Variants in ZNF24 observed in about 807,000 individuals in gnomAD.
ZNF24 encodes retinoic acid suppression protein A.
In ZNF24, 11 loss-of-function variants were observed where a neutral mutation model predicts 40.9. The ratio of observed to expected loss-of-function variants is 0.27; its 90% confidence interval spans 0.17 to 0.45. The LOEUF (loss-of-function observed/expected upper bound fraction) is 0.45, where lower values mean the gene tolerates loss of function less well. Ranked by LOEUF, ZNF24 falls within the 20% of genes least tolerant of loss-of-function variation. ZNF24 has a pLI of 1.00. For missense variants in ZNF24, 293 were observed against 437.7 expected, an observed-to-expected ratio of 0.67 and a Z score of 2.95; for synonymous variants, 139 against 154.7, an observed-to-expected ratio of 0.90 and a Z score of 0.75.
rs2044871937 is a variant in ZNF24, at chr18:35,332,996, G to A, written c.*4236C>T. The A allele has an allele frequency of 6.6e-6, 1 of 152,016 alleles. No individual in the cohort carries two copies. The highest frequency in any genetic ancestry group is 1.5e-5 in the Non-Finnish European group (1 of 68,004). The allele number at this position is 152,016 out of a possible 1,614,324, so 9.4% of individuals were successfully genotyped here. On this transcript the variant is annotated 3_prime_UTR_variant, in exon 4 of 4. Coordinates refer to ENST00000261332, the MANE Select transcript of ZNF24 (RefSeq NM_006965.4). ...CTATCAAGTGTAGGTATGGTTATAT[G>A]GGGAAATGAACATTCTCCATACACT...
chr18:35,341,094 T>C (rs1199818402), intron 1 of ZNF24, among the ~76,000 whole-genome samples: 1 of 152,202 alleles, frequency 6.6e-6, no homozygotes, highest in East Asian at 1.9e-4. Context: ...AACATGACTG[T>C]GTCCATAAAT....
chr18:35,340,017 G>T lies in ZNF24; in HGVS notation c.421-41C>A. Reference sequence around the variant, plus strand: ...TTTGATTCAGAGAAGGAACTGTAATGAGAATCAGAACTAAAAACACGTAAG... The same window carrying T: ...TTTGATTCAGAGAAGGAACTGTAATTAGAATCAGAACTAAAAACACGTAAG... On this transcript the variant is annotated intron_variant, in intron 2 of 3. Coordinates refer to ENST00000261332, the MANE Select transcript of ZNF24 (RefSeq NM_006965.4). This position sits in a 1 kb window ranked among gnomAD's most constrained non-coding sequence, Gnocchi z 4.6. The T allele has an allele frequency of 6.3e-7, 1 of 1,585,908 alleles. No individual in the cohort carries two copies. Among genetic ancestry groups the T allele is most frequent in the South Asian group, 1.1e-5 (1 of 88,860 alleles).
rs941977121 is a variant in ZNF24, at chr18:35,333,264, C to A, written c.*3968G>T. On this transcript the variant is annotated 3_prime_UTR_variant, in exon 4 of 4. Transcript: ENST00000261332. The stretch of plus-strand genomic sequence containing the variant: ...TTCAACCATTAAAGAAATTTAAAGA[C>A]CTGTTATCTTTTTTTGAGACCAAAA... 6.6e-6 allele frequency: 1 copy of A among 152,062 alleles called. No individual in the cohort carries two copies. Among genetic ancestry groups the A allele is most frequent in the Non-Finnish European group, 1.5e-5 (1 of 68,012 alleles). 9.4% of individuals were successfully genotyped at this position (152,062 alleles called of 1,614,324 possible). A position where few individuals can be genotyped will look rare whatever the true frequency, so the allele number is the denominator to read the frequency against.
In ZNF24 at chr18:35,340,177, G is replaced by C. The variant is rs1178403888; in HGVS notation, c.420+54C>G. On this transcript the variant is annotated intron_variant, in intron 2 of 3. Coordinates refer to ENST00000261332, the MANE Select transcript of ZNF24 (RefSeq NM_006965.4). The surrounding 1 kb of genome is among the most constrained non-coding windows in gnomAD (Gnocchi z 4.6). ...TGAGTGGAATTAATTCAGCAGCTTTGCCTACTACCTATGCCAGTGCTTCTG... is the reference window on the plus strand; with the variant it reads ...TGAGTGGAATTAATTCAGCAGCTTTCCCTACTACCTATGCCAGTGCTTCTG... 6.3e-7 allele frequency: 1 copy of C among 1,575,408 alleles called. No individual in the cohort carries two copies. Among genetic ancestry groups the C allele is most frequent in the Non-Finnish European group, 8.7e-7 (1 of 1,155,340 alleles).
intron 3 of ZNF24, chr18:35,338,908 A>T (rs1275253504): frequency 7.0e-7 from 1 of 1,435,090 alleles, no homozygotes; most frequent in Non-Finnish European, 9.1e-7. Flanking sequence ...TTTATTGCAC[A>T]GAAGAATGTC....
intron 3 of ZNF24, among the ~76,000 whole-genome samples, chr18:35,339,238 G>A (rs751055813): frequency 1.2e-4 from 19 of 152,254 alleles, no homozygotes; most frequent in Middle Eastern, 6.8e-3. Context: ...ATACAACTTT[G>A]AGCTTTTAAA....
chr18:35,342,039 T>C (rs570896165), intron 1 of ZNF24, among the ~76,000 whole-genome samples: 72 of 152,068 alleles, frequency 4.7e-4, no homozygotes, highest in African/African-American at 1.7e-3. Context: ...CTACTAAAAA[T>C]ACAAAAATTA....
Position 35,335,241 on chromosome 18 carries a change from T to C in ZNF24, c.*1991A>G, listed in dbSNP as rs561010631. On this transcript the variant is annotated 3_prime_UTR_variant, in exon 4 of 4. Coordinates refer to ENST00000261332, the MANE Select transcript of ZNF24 (RefSeq NM_006965.4). The stretch of plus-strand genomic sequence containing the variant: ...TCATTTATCTTAGAGCAGAGGAGTT[T>C]ACAGCTTTATTGGACACTGACTTGT... The C allele has an allele frequency of 2.6e-5, 4 of 152,294 alleles. No individual in the cohort carries two copies. The East Asian group carries it at 7.7e-4, about 29-fold the overall frequency. 9.4% of individuals were successfully genotyped at this position (152,294 alleles called of 1,614,324 possible).
Position 35,337,705 on chromosome 18 carries a change from A to T in ZNF24, c.634T>A (p.Ser212Thr), listed in dbSNP as rs1683674886. The change falls in exon 4 of 4, where the codon TCC becomes ACC. Residue 212 changes from serine (S) to threonine (T), a missense_variant. By Grantham distance (58) the Ser-to-Thr change is moderately conservative. Coordinates refer to ENST00000261332, the MANE Select transcript of ZNF24 (RefSeq NM_006965.4). Reference sequence around the variant, plus strand: ...TTGAGAGTGCCAGGAACTTCATGGGATTCTAATGCTGAAGGAAGCTCCTGC... The same window carrying T: ...TTGAGAGTGCCAGGAACTTCATGGGTTTCTAATGCTGAAGGAAGCTCCTGC... ...PKQELPSALE[S>T]HEVPGTLNMG... 1 of 1,611,792 alleles carries T rather than the reference A, an allele frequency of 6.2e-7. No individual in the cohort carries two copies. The highest frequency in any genetic ancestry group is 8.5e-7 in the Non-Finnish European group (1 of 1,179,554).
chr18:35,332,564 T>C lies in ZNF24; in HGVS notation c.*4668A>G, dbSNP rs964400444. On this transcript the variant is annotated 3_prime_UTR_variant, in exon 4 of 4. Coordinates refer to ENST00000261332, the MANE Select transcript of ZNF24 (RefSeq NM_006965.4). Reference sequence around the variant, plus strand: ...AATTCAGGCTTACATGGTCCTTGGTTCCTGGGATCTCCATAAAGCCTTCTT... The same window carrying C: ...AATTCAGGCTTACATGGTCCTTGGTCCCTGGGATCTCCATAAAGCCTTCTT... The C allele has an allele frequency of 6.6e-6, 1 of 152,642 alleles. No individual in the cohort carries two copies. The highest frequency in any genetic ancestry group is 2.4e-5 in the African/African-American group (1 of 41,434). The allele number at this position is 152,642 out of a possible 1,614,324, so 9.5% of individuals were successfully genotyped here. A position where few individuals can be genotyped will look rare whatever the true frequency, so the allele number is the denominator to read the frequency against.
At chr18:35,337,849 G>C (rs2044927034) in intron 3 of ZNF24, 79 bp from the exon 4 acceptor site, 1 of 1,253,294 alleles carries the variant, frequency 8.0e-7, no homozygotes, top group Non-Finnish European at 1.1e-6. Context: ...TTTTTTTAAT[G>C]AACTAAAATA....
intron 3 of ZNF24, chr18:35,338,550 T>G (rs1250411594): frequency 2.0e-6 from 2 of 986,322 alleles, no homozygotes; most frequent in South Asian, 9.4e-5. Context: ...TTAAGACTTT[T>G]CTAAAACTTC....
intron 3 of ZNF24, 83 bp downstream of exon 3, chr18:35,339,746 C>G: frequency 7.9e-7 from 1 of 1,269,998 alleles, no homozygotes; most frequent in Non-Finnish European, 1.1e-6. Context: ...ATGATCCCCC[C>G]ACCAGTGAGA....
chr18:35,341,673 A>G (rs2143856988), intron 1 of ZNF24, among the ~76,000 whole-genome samples: 1 of 152,318 alleles, frequency 6.6e-6, no homozygotes, highest in South Asian at 2.1e-4. Context: ...GACCCTGTGT[A>G]AGCCTAAGCT....
chr18:35,338,094 G>T (rs2044929407), intron 3 of ZNF24: 2 of 847,604 alleles, frequency 2.4e-6, no homozygotes, highest in African/African-American at 1.8e-5. Flanking sequence ...ATGAAACTTT[G>T]TAAGAATAAA....
chr18:35,339,022 C>T, intron 3 of ZNF24: 1 of 1,535,990 alleles, frequency 6.5e-7, no homozygotes, highest in Non-Finnish European at 8.7e-7. Flanking sequence ...CCTGCTCAGA[C>T]CTCATTCAGT....
In ZNF24 at chr18:35,333,515, A is replaced by T. The variant is rs2044876828; in HGVS notation, c.*3717T>A. ...TAATTAAAAAAAGGAAAATGGGCAA[A>T]AGCAATTCATAATAGGAAATGCAAA... On this transcript the variant is annotated 3_prime_UTR_variant, in exon 4 of 4. Coordinates refer to ENST00000261332, the MANE Select transcript of ZNF24 (RefSeq NM_006965.4). 6.6e-6 allele frequency: 1 copy of T among 152,168 alleles called. No homozygotes were observed. The highest frequency in any genetic ancestry group is 2.4e-5 in the African/African-American group (1 of 41,430). 9.4% of individuals were successfully genotyped at this position (152,168 alleles called of 1,614,324 possible). A position where few individuals can be genotyped will look rare whatever the true frequency, so the allele number is the denominator to read the frequency against.
rs2044889427 is a variant in ZNF24, at chr18:35,334,749, TA to T, written c.*2482del. On this transcript the variant is annotated 3_prime_UTR_variant, in exon 4 of 4. Coordinates refer to ENST00000261332, the MANE Select transcript of ZNF24 (RefSeq NM_006965.4). ...GGGTAATGAATGTGTGGATGGAATT[TA>T]AAAATCACTACATAGTATTTAAAAT... The T allele has an allele frequency of 6.6e-6, 1 of 152,246 alleles. No homozygotes were observed. The highest frequency in any genetic ancestry group is 1.5e-5 in the Non-Finnish European group (1 of 68,046). 9.4% of individuals were successfully genotyped at this position (152,246 alleles called of 1,614,324 possible). A position where few individuals can be genotyped will look rare whatever the true frequency, so the allele number is the denominator to read the frequency against.
Position 35,335,099 on chromosome 18 carries a change from G to T in ZNF24, c.*2133C>A, listed in dbSNP as rs2044893374. 1.3e-5 allele frequency: 2 copies of T among 152,164 alleles called. No individual in the cohort carries two copies. The highest frequency in any genetic ancestry group is 2.9e-5 in the Non-Finnish European group (2 of 68,024). 9.4% of individuals were successfully genotyped at this position (152,164 alleles called of 1,614,324 possible). A position where few individuals can be genotyped will look rare whatever the true frequency, so the allele number is the denominator to read the frequency against. On this transcript the variant is annotated 3_prime_UTR_variant, in exon 4 of 4. Transcript: ENST00000261332. ...AAAAGCATGACATAATAGCCATTGA[G>T]AGGTTGCTCCCTTCTTACCTACTCT...
Sources: gnomAD v4.1 joint callset for allele counts (sites outside exome capture counted in the v4.1 genomes callset) on GRCh38, gnomAD v4.1.1 for gene constraint, Gnocchi (gnomAD v3.1) non-coding constraint, MANE v1.5 for transcripts, NCBI Gene and HGNC (gene_info 2026-07-23, HGNC 2026-07-21) for gene names.